The following RNF212B variants were observed in gnomAD, a reference collection of about 807,000 sequenced individuals.
The protein encoded by RNF212B is ring finger protein 212B.
RNF212B carries 52 observed loss-of-function variants against 55.5 expected under a neutral mutation model. That is an observed-to-expected ratio of 0.94 (90% CI 0.75 to 1.18). The LOEUF (loss-of-function observed/expected upper bound fraction) is 1.18, where lower values mean the gene tolerates loss of function less well. Ranked by LOEUF, RNF212B falls within the 50% of genes most tolerant of loss-of-function variation. RNF212B has a pLI of 0.00. For synonymous variants in RNF212B, 99 were observed against 121.4 expected (o/e 0.82, Z 1.21); for missense variants, 289 against 350.4 (o/e 0.82, Z 1.40).
chr14:23,248,434 A>C (rs1429485597), intron 4 of RNF212B, among the ~76,000 whole-genome samples: 1 of 131,202 alleles, frequency 7.6e-6, no homozygotes, highest in Non-Finnish European at 1.6e-5. Flanking sequence ...GCCCAACCCC[A>C]AGCCTCTTTT....
intron 2 of RNF212B, among the ~76,000 whole-genome samples, chr14:23,229,220 T>TA (rs1882308878): frequency 4.6e-5 from 3 of 65,044 alleles, no homozygotes; most frequent in East Asian, 1.7e-3. Context: ...GAATAATATT[T>TA]TATATATATA....
In RNF212B at chr14:23,232,386, G is replaced by C. The variant is rs1018429758; in HGVS notation, c.-1-7959G>C. Among the ~76,000 whole-genome samples, 52 of 151,966 alleles carry C rather than the reference G, an allele frequency of 3.4e-4. 1 individual carries two copies. Among genetic ancestry groups the C allele is most frequent in the African/African-American group, 1.2e-3 (50 of 41,474 alleles). On this transcript the variant is annotated intron_variant, in intron 2 of 15. Coordinates refer to the RNF212B transcript ENST00000399910. Reference sequence around the variant, plus strand: ...ACCTGGCAGCCACCCCATCTGAGAAGTGAGGATCCCCTCCGCCCGGCAGCC... The same window carrying C: ...ACCTGGCAGCCACCCCATCTGAGAACTGAGGATCCCCTCCGCCCGGCAGCC...
chr14:23,232,792 G>GC (rs1555314971), intron 2 of RNF212B, among the ~76,000 whole-genome samples: 35 of 148,148 alleles, frequency 2.4e-4, no homozygotes, highest in African/African-American at 7.9e-4. Context: ...GGTGGGGGGG[G>GC]GGTCAGCCTC....
At chr14:23,209,005 G>T (rs189333350) in intron 2 of RNF212B, among the ~76,000 whole-genome samples, 1 of 152,022 alleles carries the variant, frequency 6.6e-6, no homozygotes, top group Non-Finnish European at 1.5e-5. Flanking sequence ...TGATCCGCCC[G>T]CCTTGGCCTC....
intron 1 of RNF212B, among the ~76,000 whole-genome samples, chr14:23,188,828 C>T (rs1355995807): frequency 6.6e-6 from 1 of 152,092 alleles, no homozygotes; most frequent in Non-Finnish European, 1.5e-5. Context: ...GCTTTGCTCA[C>T]TGCTGTAACC....
chr14:23,252,694 G>A (rs945967278), intron 4 of RNF212B, among the ~76,000 whole-genome samples: 6 of 152,154 alleles, frequency 3.9e-5, no homozygotes, highest in Non-Finnish European at 8.8e-5. Flanking sequence ...CATGAGAAGC[G>A]GGGATGAAGA....
chr14:23,270,717 G>A lies in RNF212B; in HGVS notation c.834+56G>A, dbSNP rs1250335890. ...CATAAAATCTCACATGGTTAGGCCT[G>A]CACACTAAATGCCTCAGGGTAGTGG... On this transcript the variant is annotated intron_variant, in intron 14 of 14. Coordinates refer to ENST00000430154, the MANE Select transcript of RNF212B (RefSeq NM_001282322.3). 11 of 1,193,042 alleles carry A rather than the reference G, an allele frequency of 9.2e-6. No individual in the cohort carries two copies. The South Asian group carries it at 1.4e-4, about 15-fold the overall frequency. 73.9% of individuals were successfully genotyped at this position (1,193,042 alleles called of 1,614,324 possible).
At chr14:23,237,106 G>C (rs1473023212), upstream of RNF212B, among the ~76,000 whole-genome samples, 2 of 150,164 alleles carry the variant, frequency 1.3e-5, no homozygotes, top group Non-Finnish European at 3.0e-5. Context: ...CTGGGACTAC[G>C]GGCACCCGCC....
rs113272723 is a variant in RNF212B, at chr14:23,187,363, T to A, written c.-79+1873T>A. Among the ~76,000 whole-genome samples the A allele has an allele frequency of 5.3e-3, 800 of 152,192 alleles. 12 individuals are homozygous for A. Among genetic ancestry groups the A allele is most frequent in the Non-Finnish European group, 5.2e-3 (351 of 68,030 alleles). ...CTAATATTCCCCTACTCCCCCCTTT[T>A]TTAGAGACAAGGTCTCACTCTGTCA... On this transcript the variant is annotated intron_variant, in intron 1 of 15. Transcript: ENST00000399910.
intron 1 of RNF212B, among the ~76,000 whole-genome samples, chr14:23,191,840 C>T (rs1040355785): frequency 4.6e-5 from 7 of 152,218 alleles, no homozygotes; most frequent in Middle Eastern, 3.4e-3. Context: ...AGAAGGCACT[C>T]GACAAATACA....
intron 2 of RNF212B, among the ~76,000 whole-genome samples, chr14:23,242,800 T>C (rs1045469545): frequency 6.6e-6 from 1 of 151,820 alleles, no homozygotes; most frequent in East Asian, 1.9e-4. Flanking sequence ...ATAGGGAGAC[T>C]CCATCTCTAA....
At chr14:23,262,886 C>A in intron 8 of RNF212B, 42 bp from the exon 9 acceptor site, 1 of 1,543,324 alleles carries the variant, frequency 6.5e-7, no homozygotes, top group Non-Finnish European at 8.8e-7. Flanking sequence ...GCAGGCATAC[C>A]ATTGATGGCA....
chr14:23,232,204 C>T (rs1478912313), intron 2 of RNF212B, among the ~76,000 whole-genome samples: 1 of 151,918 alleles, frequency 6.6e-6, no homozygotes, highest in Non-Finnish European at 1.5e-5. Context: ...TGAGGAGCGT[C>T]TCTGCCCGGC....
chr14:23,216,888 A>AAAAG (rs1881128647), intron 2 of RNF212B, among the ~76,000 whole-genome samples: 1 of 150,678 alleles, frequency 6.6e-6, no homozygotes, highest in East Asian at 1.9e-4. Context: ...TCAAAAAAAA[A>AAAAG]AAAAAAAAAA....
At chr14:23,199,649 C>T (rs184245832) in intron 2 of RNF212B, among the ~76,000 whole-genome samples, 61 of 152,006 alleles carry the variant, frequency 4.0e-4, no homozygotes, top group African/African-American at 1.5e-3. Context: ...AGGTCCCGAA[C>T]GAAGATTTTT....
chr14:23,254,745 C>A (rs1282422888), intron 4 of RNF212B, among the ~76,000 whole-genome samples: 1 of 152,060 alleles, frequency 6.6e-6, no homozygotes, highest in Non-Finnish European at 1.5e-5. Context: ...CACATTGGAC[C>A]AAAACGTCTT....
intron 14 of RNF212B, chr14:23,272,541 G>A (rs1176574521): frequency 4.8e-6 from 2 of 412,414 alleles, no homozygotes; most frequent in South Asian, 2.4e-5. Context: ...GTCATCTCTG[G>A]GTGTGGTAGT....
At chr14:23,206,057 T>A (rs1342014255) in intron 2 of RNF212B, among the ~76,000 whole-genome samples, 1 of 152,196 alleles carries the variant, frequency 6.6e-6, no homozygotes, top group Non-Finnish European at 1.5e-5. Flanking sequence ...ACTTATTACA[T>A]AAACCTGAAA....
intron 1 of RNF212B, among the ~76,000 whole-genome samples, chr14:23,191,069 G>T (rs1256359695): frequency 6.6e-6 from 1 of 152,146 alleles, no homozygotes; most frequent in Non-Finnish European, 1.5e-5. Context: ...AAAGTCCATC[G>T]CAGGCTGCGC....
Sources: allele counts gnomAD v4.1 joint callset (sites outside exome capture counted in the v4.1 genomes callset), GRCh38; gene constraint gnomAD v4.1.1; transcripts MANE v1.5; gene names NCBI Gene and HGNC (gene_info 2026-07-23, HGNC 2026-07-21).